Variants in EXT1 observed in about 807,000 individuals in gnomAD.
The protein encoded by EXT1 is exostosin glycosyltransferase 1.
Under a neutral mutation model 82.5 loss-of-function variants are expected in EXT1, and 20 were observed. The observed-to-expected ratio is 0.24, with a 90% confidence interval of 0.17 to 0.35. EXT1 has a LOEUF of 0.35. Among genes scored for constraint, EXT1 ranks in the 10% least tolerant of loss-of-function variants. The pLI is 1.00. For missense variants in EXT1, 757 were observed against 936.5 expected, an observed-to-expected ratio of 0.81 and a Z score of 2.50; for synonymous variants, 348 against 350.8, an observed-to-expected ratio of 0.99 and a Z score of 0.09.
intron 1 of EXT1, among the ~76,000 whole-genome samples, chr8:117,928,578 T>G (rs1813993016): frequency 6.6e-6 from 1 of 152,126 alleles, no homozygotes; most frequent in Non-Finnish European, 1.5e-5. Context: ...TGCAAAATAA[T>G]TACGATGATG....
At chr8:117,858,705 A>G (rs1193832346) in intron 1 of EXT1, among the ~76,000 whole-genome samples, 12 of 134,844 alleles carry the variant, frequency 8.9e-5, no homozygotes, top group Non-Finnish European at 1.9e-4. Flanking sequence ...AGAAAGAAAG[A>G]AAAGAAAGAA....
intron 1 of EXT1, among the ~76,000 whole-genome samples, chr8:117,974,157 C>T (rs1464766226): frequency 1.3e-5 from 2 of 152,120 alleles, no homozygotes; most frequent in Non-Finnish European, 2.9e-5. Context: ...ATATATGAAA[C>T]ATAACAGATA....
intron 1 of EXT1, among the ~76,000 whole-genome samples, chr8:118,004,240 G>C (rs1341137568): frequency 6.6e-6 from 1 of 152,200 alleles, no homozygotes; most frequent in Non-Finnish European, 1.5e-5. Context: ...AGGGATTCAC[G>C]TGGCCATGTG....
intron 1 of EXT1, among the ~76,000 whole-genome samples, chr8:117,995,268 A>C (rs1271455524): frequency 6.6e-6 from 1 of 152,208 alleles, no homozygotes; most frequent in African/African-American, 2.4e-5. Flanking sequence ...ATTTGTTTTC[A>C]ATGCAGACCA....
chr8:117,905,764 A>C (rs1241989001), intron 1 of EXT1, among the ~76,000 whole-genome samples: 1 of 152,248 alleles, frequency 6.6e-6, no homozygotes, highest in Non-Finnish European at 1.5e-5. Context: ...GTGAGCCGAG[A>C]TCGCGCCACT....
At chr8:117,839,412 G>A (rs752420991) in intron 1 of EXT1, among the ~76,000 whole-genome samples, 2 of 152,152 alleles carry the variant, frequency 1.3e-5, no homozygotes, top group Non-Finnish European at 2.9e-5. Flanking sequence ...ACCATTATAT[G>A]TATGTGTATA....
At chr8:117,905,377 C>G (rs375552001) in intron 1 of EXT1, among the ~76,000 whole-genome samples, 15 of 152,294 alleles carry the variant, frequency 9.8e-5, no homozygotes, top group East Asian at 3.9e-4. Context: ...AGAGTCCACA[C>G]CAAGTCCTGT....
At chr8:118,087,718 C>A (rs1484080876) in intron 1 of EXT1, among the ~76,000 whole-genome samples, 1 of 152,026 alleles carries the variant, frequency 6.6e-6, no homozygotes, top group African/African-American at 2.4e-5. Flanking sequence ...TTGATTCATG[C>A]ATGTAATTGG....
chr8:117,877,284 T>C (rs967726054), intron 1 of EXT1, among the ~76,000 whole-genome samples: 6 of 152,086 alleles, frequency 3.9e-5, no homozygotes, highest in African/African-American at 1.2e-4. Flanking sequence ...AGGCTCTTCA[T>C]AGTTGGAGCC....
intron 1 of EXT1, among the ~76,000 whole-genome samples, chr8:117,885,440 G>A (rs988045515): frequency 6.8e-6 from 1 of 146,660 alleles, no homozygotes; most frequent in Non-Finnish European, 1.5e-5. Context: ...GGCAGGGGAG[G>A]AGAAGGAAAC....
At chr8:118,009,529 T>G (rs985719085) in intron 1 of EXT1, among the ~76,000 whole-genome samples, 7 of 152,196 alleles carry the variant, frequency 4.6e-5, no homozygotes, top group African/African-American at 1.7e-4. Flanking sequence ...ATACCAACAC[T>G]GGGTCTGCAG....
intron 1 of EXT1, among the ~76,000 whole-genome samples, chr8:117,966,190 T>C (rs1385297163): frequency 6.6e-6 from 1 of 152,242 alleles, no homozygotes; most frequent in Non-Finnish European, 1.5e-5. Context: ...TGTAACTTCA[T>C]ATCCTTGTCA....
chr8:118,070,226 CTGTGTGTGTGTGTGTGTGTGTGTG>C (rs36229782), intron 1 of EXT1, among the ~76,000 whole-genome samples: 1 of 133,440 alleles, frequency 7.5e-6, no homozygotes, highest in Non-Finnish European at 1.6e-5. Flanking sequence ...TCATAAATTT[CTGTGTGTGTGTGTGTGTGTGTGTG>C]TGTGTGTGTG....
intron 1 of EXT1, among the ~76,000 whole-genome samples, chr8:117,881,445 T>C (rs1586261299): frequency 6.6e-6 from 1 of 152,194 alleles, no homozygotes; most frequent in East Asian, 1.9e-4. Flanking sequence ...TTTTAACAAA[T>C]GGCTACCCCG....
chr8:117,971,071 A>G (rs1164973675), intron 1 of EXT1, among the ~76,000 whole-genome samples: 1 of 152,104 alleles, frequency 6.6e-6, no homozygotes, highest in Non-Finnish European at 1.5e-5. Flanking sequence ...CCTGCCCAAG[A>G]AGCACGAGGA....
chr8:117,925,118 T>G (rs1813928318), intron 1 of EXT1, among the ~76,000 whole-genome samples: 1 of 152,188 alleles, frequency 6.6e-6, no homozygotes, highest in Admixed American at 6.5e-5. Context: ...TCCCGCAGAT[T>G]CTAAAGTGGG....
At chr8:117,861,726 C>G (rs1812691286) in intron 1 of EXT1, among the ~76,000 whole-genome samples, 1 of 143,906 alleles carries the variant, frequency 6.9e-6, no homozygotes, top group South Asian at 2.3e-4. Flanking sequence ...GAACTCCTGA[C>G]CTTAAGTGAT....
intron 1 of EXT1, among the ~76,000 whole-genome samples, chr8:118,030,065 A>T (rs17505304): frequency 6.6e-6 from 1 of 152,188 alleles, no homozygotes; most frequent in Non-Finnish European, 1.5e-5. Flanking sequence ...TGAAGGTTGC[A>T]AAAGTATTTA....
At chr8:117,964,710 T>C (rs1284370633) in intron 1 of EXT1, among the ~76,000 whole-genome samples, 1 of 152,158 alleles carries the variant, frequency 6.6e-6, no homozygotes, top group Non-Finnish European at 1.5e-5. Context: ...TGATCTCAGC[T>C]CACTGCAACC....
Sources: gnomAD v4.1 joint callset for allele counts (sites outside exome capture counted in the v4.1 genomes callset) on GRCh38, gnomAD v4.1.1 for gene constraint, MANE v1.5 for transcripts, NCBI Gene and HGNC (gene_info 2026-07-23, HGNC 2026-07-21) for gene names.